Variants in SNX30 observed in about 807,000 individuals in gnomAD.
The protein encoded by SNX30 is sorting nexin family member 30.
SNX30 carries 24 observed loss-of-function variants against 46.4 expected under a neutral mutation model. The observed-to-expected ratio is 0.52, with a 90% CI of 0.37 to 0.73. The LOEUF (loss-of-function observed/expected upper bound fraction) is 0.73, where lower values mean the gene tolerates loss of function less well. Among genes scored for constraint, SNX30 ranks in the 30% least tolerant of loss-of-function variants. The pLI is 0.00. For synonymous variants in SNX30, 189 were observed against 211.5 expected (o/e 0.89, Z 0.92); for missense variants, 533 against 555.7 (o/e 0.96, Z 0.41).
At chr9:112,750,233 C>A (rs559126279), upstream of SNX30, among the ~76,000 whole-genome samples, 5 of 152,334 alleles carry the variant, frequency 3.3e-5, no homozygotes, top group South Asian at 1.0e-3. Flanking sequence ...CAGAGTGAGC[C>A]TGAAGACTCC....
In SNX30 at chr9:112,865,675, GCACACA is replaced by G. The variant is rs768441437; in HGVS notation, c.1254+1286_1254+1291del. 2.0e-3 allele frequency among the ~76,000 whole-genome samples: 163 copies of G among 80,940 alleles called. 11 individuals are homozygous for G. The South Asian group carries it at 0.027, about 13-fold the overall frequency. 53.1% of individuals were successfully genotyped at this position (80,940 alleles called of 152,430 possible). Reference sequence around the variant, plus strand: ...TATATATATATATGTATGTATGTATGCACACACACACACACGTATACACACATATAT... The same window carrying G: ...TATATATATATATGTATGTATGTATGCACACACACGTATACACACATATAT... On this transcript the variant is annotated intron_variant, in intron 8 of 8. Coordinates refer to ENST00000374232, the MANE Select transcript of SNX30 (RefSeq NM_001012994.2).
intron 1 of SNX30, among the ~76,000 whole-genome samples, chr9:112,785,955 C>T (rs1839917264): frequency 6.6e-6 from 1 of 152,178 alleles, no homozygotes; most frequent in African/African-American, 2.4e-5. Flanking sequence ...TATTCTTCAG[C>T]TGATGGTTTT....
intron 8 of SNX30, 57 bp from the exon 9 acceptor site, chr9:112,868,727 G>A: frequency 6.3e-7 from 1 of 1,590,796 alleles, no homozygotes; most frequent in East Asian, 2.2e-5. Flanking sequence ...CAGAATTGAA[G>A]CTGACCCGAA....
exon 6 of SNX30, chr9:112,881,648 C>T (rs1041723996): frequency 6.6e-6 from 1 of 152,248 alleles, no homozygotes; most frequent in Non-Finnish European, 1.5e-5. Flanking sequence ...ACAGGGCATG[C>T]ATTCATTAAA....
intron 7 of SNX30, among the ~76,000 whole-genome samples, chr9:112,857,123 C>T (rs1339954056): frequency 6.6e-6 from 1 of 152,210 alleles, no homozygotes; most frequent in African/African-American, 2.4e-5. Flanking sequence ...GTGCGTGTGG[C>T]CTTCCCTGGG....
intron 8 of SNX30, among the ~76,000 whole-genome samples, chr9:112,864,973 G>A (rs555347067): frequency 4.0e-4 from 47 of 118,434 alleles, no homozygotes; most frequent in African/African-American, 1.0e-3. Context: ...GTTAAGCAGC[G>A]CACGCACATG....
intron 1 of SNX30, among the ~76,000 whole-genome samples, chr9:112,757,231 T>C (rs1839364749): frequency 6.6e-6 from 1 of 152,254 alleles, no homozygotes; most frequent in African/African-American, 2.4e-5. Flanking sequence ...CATATGTAAG[T>C]GAGATCACTC....
At chr9:112,820,534 T>C (rs1371673802) in intron 3 of SNX30, among the ~76,000 whole-genome samples, 2 of 152,210 alleles carry the variant, frequency 1.3e-5, no homozygotes, top group East Asian at 3.8e-4. Flanking sequence ...TAAGAAAGGA[T>C]TTATTGAGAT....
intron 4 of SNX30, among the ~76,000 whole-genome samples, chr9:112,833,806 C>T (rs1257227153): frequency 6.6e-6 from 1 of 152,138 alleles, no homozygotes; most frequent in African/African-American, 2.4e-5. Context: ...TTGTGAAGGC[C>T]TTGTGCCTTT....
intron 2 of SNX30, among the ~76,000 whole-genome samples, chr9:112,817,400 G>GGTTTTTTTTTTT (rs1256963697): frequency 5.8e-5 from 2 of 34,384 alleles, no homozygotes; most frequent in African/African-American, 2.0e-4. Context: ...AAAAAAACTG[G>GGTTTTTTTTTTT]CTTTTTTTTT....
chr9:112,851,938 A>G (rs1346954158), intron 7 of SNX30, among the ~76,000 whole-genome samples: 1 of 152,196 alleles, frequency 6.6e-6, no homozygotes, highest in African/African-American at 2.4e-5. Flanking sequence ...AATATATACA[A>G]ACAAATCATC....
intron 1 of SNX30, among the ~76,000 whole-genome samples, chr9:112,769,338 G>A (rs528430957): frequency 6.6e-6 from 1 of 152,272 alleles, no homozygotes; most frequent in East Asian, 1.9e-4. Flanking sequence ...ATAGCATCCT[G>A]GGCTGTGGGG....
At chr9:112,853,167 A>T (rs374140404) in intron 7 of SNX30, among the ~76,000 whole-genome samples, 5 of 152,166 alleles carry the variant, frequency 3.3e-5, no homozygotes, top group African/African-American at 1.2e-4. Flanking sequence ...ACCCCTAGTG[A>T]TCTACACCAG....
At chr9:112,836,464 C>T in intron 5 of SNX30, 55 bp downstream of exon 5, 4 of 1,536,090 alleles carry the variant, frequency 2.6e-6, no homozygotes, top group Non-Finnish European at 3.6e-6. Flanking sequence ...GGCAGAAATG[C>T]CATTCATGTG....
At chr9:112,794,928 G>C (rs527703331) in intron 1 of SNX30, among the ~76,000 whole-genome samples, 1 of 152,280 alleles carries the variant, frequency 6.6e-6, no homozygotes, top group Admixed American at 6.5e-5. Context: ...AACCTACATG[G>C]TGAAAATTGG....
intron 3 of SNX30, among the ~76,000 whole-genome samples, chr9:112,828,187 A>C (rs1408014874): frequency 1.3e-5 from 2 of 152,262 alleles, no homozygotes; most frequent in African/African-American, 4.8e-5. Context: ...TGTACTGCAT[A>C]GTGACATTTC....
At chr9:112,805,144 A>G (rs115195883) in intron 2 of SNX30, among the ~76,000 whole-genome samples, 177 bp downstream of exon 2, 356 of 152,334 alleles carry the variant, frequency 2.3e-3, no homozygotes, top group Middle Eastern at 0.01. Flanking sequence ...GATTATATAT[A>G]ATAGTTTTTT....
chr9:112,762,141 C>T (rs1839445637), intron 1 of SNX30, among the ~76,000 whole-genome samples: 1 of 152,112 alleles, frequency 6.6e-6, no homozygotes, highest in Non-Finnish European at 1.5e-5. Flanking sequence ...GACTCATATG[C>T]TGTCTTATGT....
intron 2 of SNX30, among the ~76,000 whole-genome samples, chr9:112,813,305 AAAAC>A (rs1564277379): frequency 6.6e-6 from 1 of 151,960 alleles, no homozygotes; most frequent in African/African-American, 2.4e-5. Flanking sequence ...CTCTACAAAA[AAAAC>A]AAACAAAAAA....
Sources: allele counts gnomAD v4.1 joint callset (sites outside exome capture counted in the v4.1 genomes callset), GRCh38; gene constraint gnomAD v4.1.1; transcripts MANE v1.5; gene names NCBI Gene and HGNC (gene_info 2026-07-23, HGNC 2026-07-21).